ITGA9: variants seen among roughly 807,000 people sequenced by gnomAD.
ITGA9 encodes the protein integrin subunit alpha 9, also known as integrin alpha-9.
A neutral mutation model predicts 127.8 loss-of-function variants in ITGA9; 56 were observed. The observed-to-expected ratio is 0.44, with a 90% CI of 0.35 to 0.55. ITGA9 has a LOEUF of 0.55. Ranked by LOEUF, ITGA9 falls within the 20% of genes least tolerant of loss-of-function variation. The pLI is 0.00. For synonymous variants in ITGA9, 508 were observed against 514.5 expected (o/e 0.99, Z 0.17); for missense variants, 1,196 against 1,347.1 (o/e 0.89, Z 1.76).
chr3:37,555,515 C>T (rs1441059487), intron 15 of ITGA9, among the ~76,000 whole-genome samples: 1 of 152,166 alleles, frequency 6.6e-6, no homozygotes, highest in Non-Finnish European at 1.5e-5. Flanking sequence ...TTGGACAGTG[C>T]AGATATTGAA....
At chr3:37,727,379 A>T (rs1472459344) in intron 18 of ITGA9, among the ~76,000 whole-genome samples, 1 of 152,232 alleles carries the variant, frequency 6.6e-6, no homozygotes, top group Non-Finnish European at 1.5e-5. Flanking sequence ...ACTGGGGAAA[A>T]GGCCAGTTAT....
chr3:37,818,660 AGAAG>A, intron 27 of ITGA9: 3 of 572,960 alleles, frequency 5.2e-6, no homozygotes, highest in South Asian at 4.0e-5. Context: ...GATGCATTTT[AGAAG>A]GAACAAACAG....
chr3:37,488,478 T>C (rs2125562268), intron 4 of ITGA9, among the ~76,000 whole-genome samples: 1 of 152,258 alleles, frequency 6.6e-6, no homozygotes, highest in African/African-American at 2.4e-5. Flanking sequence ...CTTTAAAGAT[T>C]ACAAAACTCC....
At chr3:37,490,369 A>G (rs761754337) in intron 4 of ITGA9, among the ~76,000 whole-genome samples, 7 of 152,252 alleles carry the variant, frequency 4.6e-5, no homozygotes, top group Non-Finnish European at 8.8e-5. Flanking sequence ...GGAATTCGCT[A>G]TAACAACTCC....
At chr3:37,655,630 C>T (rs1341344226) in intron 17 of ITGA9, among the ~76,000 whole-genome samples, 3 of 151,986 alleles carry the variant, frequency 2.0e-5, no homozygotes, top group Non-Finnish European at 4.4e-5. Context: ...AAATTTTCTC[C>T]CATTCTGTAG....
chr3:37,719,627 G>T (rs1156885078), intron 18 of ITGA9, among the ~76,000 whole-genome samples: 2 of 152,110 alleles, frequency 1.3e-5, no homozygotes, highest in East Asian at 1.9e-4. Context: ...AACTTTCTCT[G>T]GCTACAGGAG....
rs573804344 is a variant in ITGA9, at chr3:37,534,302, T to C, written c.1528+834T>C. Among the ~76,000 whole-genome samples the C allele has an allele frequency of 3.3e-5, 5 of 152,378 alleles. No individual in the cohort carries two copies. In the East Asian group the frequency reaches 9.6e-4, roughly 29 times the overall value. On this transcript the variant is annotated intron_variant, in intron 14 of 27. Coordinates refer to ENST00000264741, the MANE Select transcript of ITGA9 (RefSeq NM_002207.3). ...ACGTTCTTAGATATTTTTAATGTCA[T>C]GAGTGACTCCTTTTGCTACTCACAG...
At chr3:37,520,597 ATAC>A (rs1699034552) in intron 11 of ITGA9, among the ~76,000 whole-genome samples, 1 of 152,216 alleles carries the variant, frequency 6.6e-6, no homozygotes, top group Non-Finnish European at 1.5e-5. Flanking sequence ...GCCATGAGGC[ATAC>A]ATAGTCTGAG....
At position 37,788,910 on chromosome 3, in the gene ITGA9, T is replaced by A. The variant is rs146164465; in HGVS notation, c.2889+3832T>A. Among the ~76,000 whole-genome samples, 249 of 152,338 alleles carry A rather than the reference T, an allele frequency of 1.6e-3. 1 individual carries two copies. Among genetic ancestry groups the A allele is most frequent in the Non-Finnish European group, 1.3e-3 (89 of 68,020 alleles). ...TGCCTGCCTCTGAAGGCCACGGGAC[T>A]TACCTGTTTGTTTGTCAAAGCAGAA... On this transcript the variant is annotated intron_variant, in intron 26 of 27. Coordinates refer to ENST00000264741, the MANE Select transcript of ITGA9 (RefSeq NM_002207.3).
chr3:37,770,089 G>T (rs1204711950), intron 23 of ITGA9, among the ~76,000 whole-genome samples: 1 of 152,168 alleles, frequency 6.6e-6, no homozygotes, highest in Non-Finnish European at 1.5e-5. Flanking sequence ...AAGCTTATCT[G>T]TCACATCCCT....
At chr3:37,758,108 G>A (rs1696676352) in intron 23 of ITGA9, among the ~76,000 whole-genome samples, 1 of 150,850 alleles carries the variant, frequency 6.6e-6, no homozygotes, top group South Asian at 2.1e-4. Flanking sequence ...TGGATCATGA[G>A]GTCAGGAGAT....
At chr3:37,719,270 C>T (rs1701166075) in intron 18 of ITGA9, among the ~76,000 whole-genome samples, 1 of 152,016 alleles carries the variant, frequency 6.6e-6, no homozygotes, top group African/African-American at 2.4e-5. Context: ...TGAGATGTAC[C>T]CAGGAGTAGC....
At chr3:37,557,156 A>C (rs1164431986) in intron 15 of ITGA9, among the ~76,000 whole-genome samples, 1 of 152,134 alleles carries the variant, frequency 6.6e-6, no homozygotes, top group Admixed American at 6.5e-5. Context: ...TTAAGCAGAA[A>C]ATTTTAAAGT....
intron 26 of ITGA9, among the ~76,000 whole-genome samples, chr3:37,803,517 G>A (rs542267620): frequency 3.2e-4 from 48 of 152,336 alleles, no homozygotes; most frequent in African/African-American, 1.1e-3. Context: ...TGGCACTGTG[G>A]CTCGTGCCTG....
Position 37,644,915 on chromosome 3 carries a change from A to G in ITGA9, c.1840-8799A>G, listed in dbSNP as rs187832788. On this transcript the variant is annotated intron_variant, in intron 16 of 27. Coordinates refer to ENST00000264741, the MANE Select transcript of ITGA9 (RefSeq NM_002207.3). Reference sequence around the variant, plus strand: ...AGTGTATGCCTTGATTTTAAGAGGCAATGAGCCTTTTCCTTCCTTCGTTTA... The same window carrying G: ...AGTGTATGCCTTGATTTTAAGAGGCGATGAGCCTTTTCCTTCCTTCGTTTA... 3.7e-3 allele frequency among the ~76,000 whole-genome samples: 556 copies of G among 152,326 alleles called. 2 individuals carry two copies. The highest frequency in any genetic ancestry group is 0.024 in the Middle Eastern group (7 of 294).
intron 15 of ITGA9, among the ~76,000 whole-genome samples, chr3:37,579,289 G>A (rs1384589300): frequency 6.6e-6 from 1 of 152,168 alleles, no homozygotes; most frequent in Non-Finnish European, 1.5e-5. Flanking sequence ...GTGGCTCCAT[G>A]GACTTCAAGG....
At chr3:37,745,336 C>T (rs1486574996) in intron 22 of ITGA9, 1 of 152,260 alleles carries the variant, frequency 6.6e-6, no homozygotes, top group African/African-American at 2.4e-5. Flanking sequence ...TCACACCCTG[C>T]TCTTGATTTA....
At chr3:37,782,939 A>T (rs1334924592) in intron 25 of ITGA9, among the ~76,000 whole-genome samples, 4 of 152,186 alleles carry the variant, frequency 2.6e-5, no homozygotes, top group Non-Finnish European at 5.9e-5. Flanking sequence ...GGAATTCAAG[A>T]CCAGCCTGGC....
rs143810039 is a variant in ITGA9, at chr3:37,800,098, C to T, written c.2890-3725C>T. ...ATAATAAGAGATGAAGCCCACATTC[C>T]GGGGAAGTGACAGGGCATTCTTGTG... On this transcript the variant is annotated intron_variant, in intron 26 of 27. Transcript: ENST00000264741. Among the ~76,000 whole-genome samples, 857 of 152,238 alleles carry T rather than the reference C, an allele frequency of 5.6e-3. 3 individuals carry two copies. The highest frequency in any genetic ancestry group is 9.8e-3 in the Non-Finnish European group (665 of 68,006).
Sources: allele counts gnomAD v4.1 joint callset (sites outside exome capture counted in the v4.1 genomes callset), GRCh38; gene constraint gnomAD v4.1.1; transcripts MANE v1.5; gene names NCBI Gene and HGNC (gene_info 2026-07-23, HGNC 2026-07-21).